Variants in HERC5 observed in about 807,000 individuals in gnomAD.
HERC5 encodes the protein E3 ISG15--protein ligase HERC5.
A neutral mutation model predicts 119.6 loss-of-function variants in HERC5; 99 were observed. The observed-to-expected ratio is 0.83, with a 90% CI of 0.70 to 0.98. The LOEUF is 0.98. Among genes scored for constraint, HERC5 ranks in the 50% least tolerant of loss-of-function variants. HERC5 has a pLI of 0.00. For missense variants in HERC5, 1,267 were observed against 1,241.3 expected (o/e 1.02, Z -0.31); for synonymous variants, 478 against 445.9 (o/e 1.07, Z -0.91).
At chr4:88,471,537 T>G (rs753957699) in intron 10 of HERC5, among the ~76,000 whole-genome samples, 3 of 151,494 alleles carry the variant, frequency 2.0e-5, no homozygotes, top group Non-Finnish European at 2.9e-5. Flanking sequence ...ACAGCAGCTT[T>G]GCTATGTTGC....
At chr4:88,467,599 A>G (rs1266245402) in intron 7 of HERC5, among the ~76,000 whole-genome samples, 4 of 152,274 alleles carry the variant, frequency 2.6e-5, no homozygotes, top group African/African-American at 9.6e-5. Context: ...CAATCAACGT[A>G]TACCTGGCAC....
At chr4:88,490,327 A>G (rs1741595035) in intron 16 of HERC5, among the ~76,000 whole-genome samples, 1 of 152,204 alleles carries the variant, frequency 6.6e-6, no homozygotes, top group Admixed American at 6.5e-5. Context: ...AAACTGAGGT[A>G]CAGAACTATT....
In HERC5 at chr4:88,493,157, T is replaced by TAG; in HGVS notation, c.2277+3_2277+4insGA. ...TCCTGCATGTGGTTTCCTGTCAAGGTAAGTTCCCTCTTCTTTGCTTAAGGT... is the reference window on the plus strand; with the variant it reads ...TCCTGCATGTGGTTTCCTGTCAAGGTAGAAGTTCCCTCTTCTTTGCTTAAGGT... On this transcript the variant is annotated splice_region_variant and intron_variant, in intron 17 of 22. Transcript: ENST00000264350. The TAG allele has an allele frequency of 6.2e-7, 1 of 1,613,612 alleles. No homozygotes were observed. Among genetic ancestry groups the TAG allele is most frequent in the Non-Finnish European group, 8.5e-7 (1 of 1,179,764 alleles).
chr4:88,481,802 G>A (rs932722276), intron 13 of HERC5, among the ~76,000 whole-genome samples: 2 of 152,168 alleles, frequency 1.3e-5, no homozygotes, highest in East Asian at 3.9e-4. Context: ...GCTAGATTAG[G>A]TCTGCAAAAC....
chr4:88,494,174 G>A lies in HERC5; in HGVS notation c.2287G>A (p.Glu763Lys), dbSNP rs759673086. 1.3e-6 allele frequency: 2 copies of A among 1,598,792 alleles called. No individual in the cohort carries two copies. The highest frequency in any genetic ancestry group is 1.7e-6 in the Non-Finnish European group (2 of 1,174,796). Reference protein sequence around the residue: ...CMWFPVKPKFEKKRYFFFGVL... With the variant: ...CMWFPVKPKFKKKRYFFFGVL... ...TTTTTTCGCTTTTCAGCCTAAATTT[G>A]AGAAGAAAAGATACTTCTTTTTTGG... The change falls in exon 18 of 23, where the codon GAG becomes AAG. Residue 763 changes from glutamate (E) to lysine (K), a missense_variant. Glu to Lys is a moderately conservative substitution (Grantham distance 56). Transcript: ENST00000264350.
In HERC5 at chr4:88,493,103, A is replaced by G. The variant is rs1303550286; in HGVS notation, c.2225A>G (p.Tyr742Cys). ...CLFAEMIQPE[Y>C]GMFMYPEGAS... ...TTTGCAGAGATGATCCAGCCGGAAT[A>G]TGGGATGTTCATGTATCCTGAAGGG... The change falls in exon 17 of 23, where the codon TAT becomes TGT. Residue 742 changes from tyrosine to cysteine, a missense_variant. This residue lies in a region of HERC5 where 473 missense variants were observed against 445.7 expected (regional missense o/e 1.06). Transcript: ENST00000264350. 6.2e-7 allele frequency: 1 copy of G among 1,614,088 alleles called. No individual in the cohort carries two copies. The highest frequency in any genetic ancestry group is 8.5e-7 in the Non-Finnish European group (1 of 1,179,990).
chr4:88,463,969 CAGAT>C lies in HERC5; in HGVS notation c.898_901del (p.Ile300HisfsTer37), dbSNP rs750110923. On this transcript the variant is annotated frameshift_variant, in exon 6 of 23. Transcript: ENST00000264350. LOFTEE classifies it high-confidence loss of function. ...TGAGCTTGTTGGGTATAGAGTGACTCAGATAGCATGTGGAAGGTAAGTTGTAAAG... is the reference window on the plus strand; with the variant it reads ...TGAGCTTGTTGGGTATAGAGTGACTCAGCATGTGGAAGGTAAGTTGTAAAG... The C allele has an allele frequency of 1.2e-6, 2 of 1,613,048 alleles. No homozygotes were observed. The highest frequency in any genetic ancestry group is 1.7e-5 in the Admixed American group (1 of 59,886).
chr4:88,505,568 C>T lies in HERC5; in HGVS notation c.2870-105C>T, dbSNP rs192166251. 2,697 of 669,204 alleles carry T rather than the reference C, an allele frequency of 4.0e-3. 12 individuals are homozygous for T. The highest frequency in any genetic ancestry group is 5.4e-3 in the Non-Finnish European group (2,080 of 383,550). 41.5% of individuals were successfully genotyped at this position (669,204 alleles called of 1,614,324 possible). On this transcript the variant is annotated intron_variant, in intron 22 of 22. Transcript: ENST00000264350. ...ATGCACTGTCAAATGTAGGACACTGCACATGGGCTCCAGTGAAGTTTTGTG... is the reference window on the plus strand; with the variant it reads ...ATGCACTGTCAAATGTAGGACACTGTACATGGGCTCCAGTGAAGTTTTGTG...
rs776721345 is a variant in HERC5, at chr4:88,463,603, C to T, written c.760C>T (p.His254Tyr). 3 of 1,612,800 alleles carry T rather than the reference C, an allele frequency of 1.9e-6. No homozygotes were observed. The highest frequency in any genetic ancestry group is 1.7e-5 in the Admixed American group (1 of 59,924). The change falls in exon 5 of 23, where the codon CAC (histidine) becomes TAC (tyrosine). Residue 254 changes from histidine to tyrosine, a missense_variant. Physicochemically the swap from His to Tyr is moderately conservative, Grantham distance 83. Transcript: ENST00000264350. ...TGAATTTGTCGCTTGTGGTGGCTCTCACAGTGCCCTACTCACACAGGTGGG... is the reference window on the plus strand; with the variant it reads ...TGAATTTGTCGCTTGTGGTGGCTCTTACAGTGCCCTACTCACACAGGTGGG... The part of the protein sequence containing the change: ...KVEFVACGGS[H>Y]SALLTQDGLL...
Position 88,504,374 on chromosome 4 carries a change from AT to A in HERC5, c.2727del (p.Ile909MetfsTer29). 1 of 1,610,778 alleles carries A rather than the reference AT, an allele frequency of 6.2e-7. No individual in the cohort carries two copies. Among genetic ancestry groups the A allele is most frequent in the South Asian group, 1.1e-5 (1 of 90,656 alleles). On this transcript the variant is annotated frameshift_variant, in exon 21 of 23. Transcript: ENST00000264350. LOFTEE classifies it high-confidence loss of function. ...CCACCCCGAAGAACTGAAGGATGTG[AT>A]TGTTGGAAATACAGATTATGATTGG... The part of the protein sequence containing the change: ...LFHPEELKDV[I>X]VGNTDYDWKT...
intron 18 of HERC5, among the ~76,000 whole-genome samples, chr4:88,496,690 CAGG>C (rs1741805121): frequency 6.6e-6 from 1 of 152,176 alleles, no homozygotes; most frequent in Non-Finnish European, 1.5e-5. Flanking sequence ...CATGAAAATA[CAGG>C]AGAATGATCT....
chr4:88,498,522 C>G (rs967380805), intron 18 of HERC5, among the ~76,000 whole-genome samples: 2 of 152,150 alleles, frequency 1.3e-5, no homozygotes, highest in African/African-American at 4.8e-5. Context: ...CTGTTATTCC[C>G]TTTTGAAATG....
chr4:88,494,568 T>G (rs1375281711), intron 18 of HERC5, among the ~76,000 whole-genome samples: 1 of 152,222 alleles, frequency 6.6e-6, no homozygotes, highest in African/African-American at 2.4e-5. Context: ...TTTTTCTGTG[T>G]AGGAACAGTC....
Position 88,500,003 on chromosome 4 carries a change from A to C in HERC5, c.2511+11A>C. 2.0e-6 allele frequency: 3 copies of C among 1,495,164 alleles called. No homozygotes were observed. The highest frequency in any genetic ancestry group is 2.8e-6 in the Non-Finnish European group (3 of 1,072,212). The allele number at this position is 1,495,164 out of a possible 1,614,324, so 92.6% of individuals were successfully genotyped here. On this transcript the variant is annotated intron_variant, in intron 19 of 22. Coordinates refer to ENST00000264350, the MANE Select transcript of HERC5 (RefSeq NM_016323.4). ...TACATCCATTTTAATGTGAGTAACA[A>C]TAAAAGCAGATAACAGATTAGTTTT...
At chr4:88,499,848 A>G in intron 18 of HERC5, 78 bp from the exon 19 acceptor site, 2 of 996,040 alleles carry the variant, frequency 2.0e-6, no homozygotes, top group South Asian at 1.3e-5. Flanking sequence ...ATAGCTATAC[A>G]CTTGACATTT....
At chr4:88,489,411 A>G in intron 16 of HERC5, 75 bp downstream of exon 16, 1 of 1,319,328 alleles carries the variant, frequency 7.6e-7, no homozygotes, top group Non-Finnish European at 1.0e-6. Flanking sequence ...AAAGGGTTTC[A>G]TAGAGAGGAA....
chr4:88,499,393 T>C (rs1385410043), intron 18 of HERC5, among the ~76,000 whole-genome samples: 2 of 152,236 alleles, frequency 1.3e-5, no homozygotes, highest in Non-Finnish European at 2.9e-5. Context: ...AAAAATTGGT[T>C]ACTGTCCATT....
In HERC5 at chr4:88,492,932, A is replaced by G. The variant is rs1741692318; in HGVS notation, c.2134-80A>G. On this transcript the variant is annotated intron_variant, in intron 16 of 22. Coordinates refer to ENST00000264350, the MANE Select transcript of HERC5 (RefSeq NM_016323.4). The stretch of plus-strand genomic sequence containing the variant: ...CTTGGGTCCACAATTAATGTTAGCT[A>G]TTTACTATTATTAAATGAGACTTCA... 2.1e-5 allele frequency: 28 copies of G among 1,364,936 alleles called. 1 individual carries two copies. The South Asian group carries it at 4.0e-4, about 20-fold the overall frequency. 84.6% of individuals were successfully genotyped at this position (1,364,936 alleles called of 1,614,324 possible).
At chr4:88,496,127 G>A (rs562700463) in intron 18 of HERC5, among the ~76,000 whole-genome samples, 2 of 152,252 alleles carry the variant, frequency 1.3e-5, no homozygotes, top group African/African-American at 4.8e-5. Context: ...GTGAAAATAG[G>A]CAAATAACAT....
Sources: gnomAD v4.1 joint callset for allele counts (sites outside exome capture counted in the v4.1 genomes callset) on GRCh38, gnomAD v4.1.1 for gene constraint, gnomAD v4.1.1 regional missense constraint, MANE v1.5 for transcripts, NCBI Gene and HGNC (gene_info 2026-07-23, HGNC 2026-07-21) for gene names.